Variants in ENTREP1 observed in about 807,000 individuals in gnomAD.
ENTREP1 encodes endosomal transmembrane epsin interactor 1, also known as Friedreich ataxia region gene X123.
chr9:69,383,251 C>T, the ENTREP1 span: 1 of 676,574 alleles, frequency 1.5e-6, no homozygotes, highest in African/African-American at 1.9e-5. Context: ...TAACCATCAT[C>T]TTTATCTAGT....
At chr9:69,329,755 T>A in the ENTREP1 span, 1 of 751,688 alleles carries the variant, frequency 1.3e-6, no homozygotes, top group Non-Finnish European at 1.5e-6. Context: ...GTCCTAGCTC[T>A]CGGTTTGGGG....
the ENTREP1 span, chr9:69,381,758 T>C: frequency 1.3e-5 from 2 of 152,248 alleles, no homozygotes; most frequent in East Asian, 1.9e-4. Context: ...AATTGCTTAA[T>C]AGGAAAGGAA....
chr9:69,366,233 T>A, the ENTREP1 span, among the ~76,000 whole-genome samples: 3 of 152,224 alleles, frequency 2.0e-5, no homozygotes, highest in African/African-American at 7.2e-5. Flanking sequence ...AACTATAAGA[T>A]GTTATCTCAT....
At chr9:69,383,639 T>A in the ENTREP1 span, 1 of 1,614,132 alleles carries the variant, frequency 6.2e-7, no homozygotes, top group Non-Finnish European at 8.5e-7. Flanking sequence ...GGATGGTTGG[T>A]CCTGATGTTA....
chr9:69,344,456 T>C, the ENTREP1 span, among the ~76,000 whole-genome samples: 32 of 152,292 alleles, frequency 2.1e-4, no homozygotes, highest in African/African-American at 6.7e-4. Context: ...CAGTGCTGTA[T>C]TGTGTGAAGA....
chr9:69,385,148 T>A, the ENTREP1 span, among the ~76,000 whole-genome samples: 1 of 152,182 alleles, frequency 6.6e-6, no homozygotes, highest in African/African-American at 2.4e-5. Context: ...CTTGAACTCC[T>A]GACCTCAGGT....
At chr9:69,358,621 G>T in the ENTREP1 span, among the ~76,000 whole-genome samples, 1 of 152,308 alleles carries the variant, frequency 6.6e-6, no homozygotes, top group Admixed American at 6.5e-5. Flanking sequence ...AAAACAGAGT[G>T]TGAAAGAGAA....
the ENTREP1 span, chr9:69,391,624 C>G: frequency 8.1e-6 from 13 of 1,614,050 alleles, no homozygotes; most frequent in Non-Finnish European, 1.1e-5. Flanking sequence ...TGCAGCCCAG[C>G]ACATCCAGGG....
the ENTREP1 span, chr9:69,385,684 G>A: frequency 2.8e-6 from 4 of 1,405,370 alleles, no homozygotes; most frequent in South Asian, 6.6e-5. Context: ...CATTACCCTT[G>A]CCCTGGCAGG....
chr9:69,373,030 ATTT>A, the ENTREP1 span, among the ~76,000 whole-genome samples: 538 of 108,166 alleles, frequency 5.0e-3, 3 homozygotes, highest in African/African-American at 0.014. Context: ...AAATTGAGTT[ATTT>A]TTTTTTTTGT....
the ENTREP1 span, among the ~76,000 whole-genome samples, chr9:69,331,840 A>G: frequency 2.0e-5 from 3 of 152,076 alleles, no homozygotes; most frequent in Non-Finnish European, 4.4e-5. Flanking sequence ...CCTCATCGTG[A>G]TACAGTTAAA....
At chr9:69,335,543 G>A in the ENTREP1 span, among the ~76,000 whole-genome samples, 436 of 152,280 alleles carry the variant, frequency 2.9e-3, 5 homozygotes, top group African/African-American at 9.3e-3. Flanking sequence ...TGTGGTGGAG[G>A]GGCCAGGGTA....
At chr9:69,387,059 G>A in the ENTREP1 span, 4 of 152,202 alleles carry the variant, frequency 2.6e-5, no homozygotes, top group African/African-American at 9.7e-5. Context: ...GCAGACCTGC[G>A]GGGGCAAGAA....
At chr9:69,343,277 G>T in the ENTREP1 span, among the ~76,000 whole-genome samples, 1 of 152,118 alleles carries the variant, frequency 6.6e-6, no homozygotes, top group Non-Finnish European at 1.5e-5. Context: ...TCTCATTTTC[G>T]CATTCACTTG....
the ENTREP1 span, among the ~76,000 whole-genome samples, chr9:69,332,884 CA>C: frequency 2.6e-5 from 4 of 152,148 alleles, no homozygotes; most frequent in Admixed American, 2.6e-4. Flanking sequence ...TTTGTGACAG[CA>C]AAAAACTAGA....
At chr9:69,378,419 G>A in the ENTREP1 span, among the ~76,000 whole-genome samples, 6 of 152,034 alleles carry the variant, frequency 3.9e-5, no homozygotes, top group East Asian at 1.9e-4. Flanking sequence ...GTGAAATGCC[G>A]CATACATCTG....
chr9:69,383,246 A>G, the ENTREP1 span: 6 of 670,542 alleles, frequency 8.9e-6, no homozygotes, highest in Non-Finnish European at 1.1e-5. Flanking sequence ...TTTCGTAACC[A>G]TCATCTTTAT....
At chr9:69,390,749 C>T in the ENTREP1 span, among the ~76,000 whole-genome samples, 1 of 152,040 alleles carries the variant, frequency 6.6e-6, no homozygotes, top group African/African-American at 2.4e-5. Flanking sequence ...AGGTGATCCT[C>T]CTGCCTCAGC....
chr9:69,391,828 C>T, the ENTREP1 span: 2 of 1,559,018 alleles, frequency 1.3e-6, no homozygotes, highest in Non-Finnish European at 1.7e-6. Context: ...GAAGGCCACT[C>T]CAAGGGGAAG....
Sources: allele counts gnomAD v4.1 joint callset (sites outside exome capture counted in the v4.1 genomes callset), GRCh38; gene constraint gnomAD v4.1.1; transcripts MANE v1.5; gene names NCBI Gene and HGNC (gene_info 2026-07-23, HGNC 2026-07-21).